The following BTNL9 variants were observed in gnomAD, a reference collection of about 807,000 sequenced individuals.
The protein encoded by BTNL9 is butyrophilin like 9, also known as butyrophilin-like protein 9.
Under a neutral mutation model 45.8 loss-of-function variants are expected in BTNL9, and 45 were observed. That is an observed-to-expected ratio of 0.98 (90% CI 0.77 to 1.26). The LOEUF is 1.26. BTNL9 is among the 50% of genes most tolerant of loss of function. The pLI is 0.00. For missense variants in BTNL9, 784 were observed against 729.7 expected (o/e 1.07, Z -0.86); for synonymous variants, 346 against 330.8 (o/e 1.05, Z -0.50).
Position 181,053,119 on chromosome 5 carries a change from G to A in BTNL9, c.737-81G>A. 8.0e-7 allele frequency: 1 copy of A among 1,249,950 alleles called. No individual in the cohort carries two copies. The highest frequency in any genetic ancestry group is 1.4e-5 in the South Asian group (1 of 72,954). The allele number at this position is 1,249,950 out of a possible 1,614,324, so 77.4% of individuals were successfully genotyped here. ...GAGAAGGTCCCGCGGGAGGTTTCCC[G>A]GCACGCGGCGGGCAGGCCGGTCTCG... is the stretch of plus-strand genomic sequence containing the variant. On this transcript the variant is annotated intron_variant, in intron 4 of 10. Coordinates refer to ENST00000327705, the MANE Select transcript of BTNL9 (RefSeq NM_152547.5). This position sits in a 1 kb window ranked among gnomAD's most constrained non-coding sequence, Gnocchi z 6.5.
At chr5:181,054,552 C>CT (rs1761775060) in intron 7 of BTNL9, 1 of 985,326 alleles carries the variant, frequency 1.0e-6, no homozygotes, top group Admixed American at 6.2e-5. Flanking sequence ...TTAAAATATC[C>CT]TTTTCTTTTT....
chr5:181,059,480 G>T lies in BTNL9; in HGVS notation c.1226G>T (p.Gly409Val), dbSNP rs1475182964. The T allele has an allele frequency of 6.8e-7, 1 of 1,475,032 alleles. No homozygotes were observed. The highest frequency in any genetic ancestry group is 8.9e-7 in the Non-Finnish European group (1 of 1,119,612). The allele number at this position is 1,475,032 out of a possible 1,614,324, so 91.4% of individuals were successfully genotyped here. ...TGCCTGGCCGCGGTGCCGCGCGCGG[G>T]GCCTGCGCGCCTGAGCCCTGCGGCC... ...GACLAAVPRA[G>V]PARLSPAAGY... The change falls in exon 11 of 11, where the codon GGG becomes GTG. Residue 409 changes from glycine to valine, a missense_variant. Transcript: ENST00000327705.
intron 9 of BTNL9, 36 bp from the exon 10 acceptor site, chr5:181,058,316 T>G (rs750819632): frequency 6.2e-7 from 1 of 1,613,676 alleles, no homozygotes. Context: ...TGACTGAGAT[T>G]TCTGAGCTTT....
Position 181,059,927 on chromosome 5 carries a change from C to T in BTNL9, c.*65C>T, listed in dbSNP as rs556965027. The T allele has an allele frequency of 1.0e-5, 14 of 1,380,228 alleles. No homozygotes were observed. The South Asian group carries it at 1.5e-4, about 14-fold the overall frequency. 85.5% of individuals were successfully genotyped at this position (1,380,228 alleles called of 1,614,324 possible). On this transcript the variant is annotated 3_prime_UTR_variant, in exon 11 of 11. Coordinates refer to ENST00000327705, the MANE Select transcript of BTNL9 (RefSeq NM_152547.5). ...CTGGATCCCAGGCCAGCGCTTTGCT[C>T]TCCTGCTCCGTCTGAAGGGAGCAGG...
intron 9 of BTNL9, chr5:181,056,504 T>C (rs1475132448): frequency 2.8e-6 from 2 of 715,420 alleles, no homozygotes; most frequent in Non-Finnish European, 5.2e-6. Flanking sequence ...CTGCCACTCG[T>C]GTGCATTCAG....
chr5:181,050,119 G>A lies in BTNL9; in HGVS notation c.486G>A (p.Glu162=), dbSNP rs1761454361. The A allele has an allele frequency of 6.2e-7, 1 of 1,613,966 alleles. No individual in the cohort carries two copies. The highest frequency in any genetic ancestry group is 8.5e-7 in the Non-Finnish European group (1 of 1,180,014). The change falls in exon 4 of 11, where the codon GAG becomes GAA. Residue 162 remains glutamate, a synonymous_variant. Coordinates refer to ENST00000327705, the MANE Select transcript of BTNL9 (RefSeq NM_152547.5). The surrounding 1 kb of genome is among the most constrained non-coding windows in gnomAD (Gnocchi z 4.9). The part of the protein sequence containing the change: ...GLGSDPHLSL[E]GFKEGGIQLR... ...GCTCAGACCCTCACCTCTCCCTTGAGGGCTTCAAGGAAGGAGGCATTCAGC... is the reference window on the plus strand; with the variant it reads ...GCTCAGACCCTCACCTCTCCCTTGAAGGCTTCAAGGAAGGAGGCATTCAGC...
At chr5:181,056,899 T>C (rs1761910658) in intron 9 of BTNL9, 4 of 371,696 alleles carry the variant, frequency 1.1e-5, no homozygotes, top group East Asian at 5.0e-5. Flanking sequence ...TCTCTGTATA[T>C]GCTAGTTGGC....
intron 4 of BTNL9, among the ~76,000 whole-genome samples, chr5:181,052,001 G>A (rs1462288294): frequency 6.6e-6 from 1 of 152,110 alleles, no homozygotes; most frequent in Non-Finnish European, 1.5e-5. Flanking sequence ...GCTGCTGGCA[G>A]AACAGCGAGG....
chr5:181,045,891 G>A (rs28423038), intron 2 of BTNL9, among the ~76,000 whole-genome samples: 3,288 of 21,276 alleles, frequency 0.15, 114 homozygotes, highest in Non-Finnish European at 0.19. Context: ...CCCAGCCCCC[G>A]ACACCTCCTC....
intron 1 of BTNL9, among the ~76,000 whole-genome samples, chr5:181,045,133 G>T (rs746251788): frequency 1.3e-5 from 2 of 152,188 alleles, no homozygotes; most frequent in East Asian, 1.9e-4. Context: ...CCCAGAAAAG[G>T]GGGGGCGCTG....
At position 181,055,948 on chromosome 5, in the gene BTNL9, T is replaced by A. The variant is rs1455766153; in HGVS notation, c.929-41T>A. 2.0e-5 allele frequency: 32 copies of A among 1,613,682 alleles called. No individual in the cohort carries two copies. The highest frequency in any genetic ancestry group is 2.6e-5 in the Non-Finnish European group (31 of 1,179,654). On this transcript the variant is annotated intron_variant, in intron 8 of 10. Transcript: ENST00000327705. This position sits in a 1 kb window ranked among gnomAD's most constrained non-coding sequence, Gnocchi z 4.4. ...GATGTGTGAGCAGGGAAGCTTGGGG[T>A]CCTGATGTGCTAATTTCCTGTTTTC...
At chr5:181,058,703 T>C (rs1373216856) in intron 10 of BTNL9, among the ~76,000 whole-genome samples, 1 of 151,848 alleles carries the variant, frequency 6.6e-6, no homozygotes, top group African/African-American at 2.4e-5. Flanking sequence ...AGGGGTCCCC[T>C]AGGTTCCCAT....
At chr5:181,052,305 C>T (rs1160411602) in intron 4 of BTNL9, among the ~76,000 whole-genome samples, 1 of 151,762 alleles carries the variant, frequency 6.6e-6, no homozygotes, top group East Asian at 1.9e-4. Flanking sequence ...ATACGGAGGG[C>T]GCCAGGGGCT....
Position 181,053,500 on chromosome 5 carries a change from A to G in BTNL9, c.885A>G (p.Gln295=), listed in dbSNP as rs1187909457. The change falls in exon 6 of 11, where the codon CAA becomes CAG. Residue 295 remains glutamine (Q), a splice_region_variant and synonymous_variant. Transcript: ENST00000327705. This position sits in a 1 kb window ranked among gnomAD's most constrained non-coding sequence, Gnocchi z 6.5. ...EKLRKQAEKR[Q]EKLTAELEKL... ...TGAGGAAGCAGGCGGAGAAGAGACA[A>G]GGTGAGCGGGGACAGGGCGTTCTGC... is the stretch of plus-strand genomic sequence containing the variant. 2.1e-5 allele frequency: 33 copies of G among 1,577,980 alleles called. No homozygotes were observed. The highest frequency in any genetic ancestry group is 2.8e-5 in the Non-Finnish European group (32 of 1,161,982).
chr5:181,049,198 A>C (rs1433749531), intron 3 of BTNL9, among the ~76,000 whole-genome samples: 1 of 152,106 alleles, frequency 6.6e-6, no homozygotes, highest in African/African-American at 2.4e-5. Flanking sequence ...CTGACACAGC[A>C]ATCCCACCTC....
chr5:181,044,501 G>T (rs568163152), intron 1 of BTNL9, among the ~76,000 whole-genome samples: 1 of 152,306 alleles, frequency 6.6e-6, no homozygotes, highest in African/African-American at 2.4e-5. Flanking sequence ...GGGAAGGGAG[G>T]TGCTGACTTT....
intron 6 of BTNL9, 51 bp from the exon 7 acceptor site, chr5:181,054,188 A>T: frequency 1.2e-6 from 2 of 1,607,518 alleles, no homozygotes; most frequent in Non-Finnish European, 1.7e-6. Flanking sequence ...TCATTCCCCA[A>T]CCTGAGAGTC....
chr5:181,053,094 G>T lies in BTNL9; in HGVS notation c.737-106G>T. The T allele has an allele frequency of 1.0e-6, 1 of 984,040 alleles. No individual in the cohort carries two copies. Among genetic ancestry groups the T allele is most frequent in the South Asian group, 1.6e-5 (1 of 61,172 alleles). The allele number at this position is 984,040 out of a possible 1,614,324, so 61.0% of individuals were successfully genotyped here. A position where few individuals can be genotyped will look rare whatever the true frequency, so the allele number is the denominator to read the frequency against. On this transcript the variant is annotated intron_variant, in intron 4 of 10. Transcript: ENST00000327705. This position sits in a 1 kb window ranked among gnomAD's most constrained non-coding sequence, Gnocchi z 6.5. ...TCCCAGGCGGCTGCGGTGGCGCCCG[G>T]AGAAGGTCCCGCGGGAGGTTTCCCG...
At position 181,059,806 on chromosome 5, in the gene BTNL9, A is replaced by G; in HGVS notation, c.1552A>G (p.Ser518Gly). Residue 518 changes from serine to glycine, a missense_variant, in exon 11 of 11, where the codon AGT becomes GGT. Coordinates refer to ENST00000327705, the MANE Select transcript of BTNL9 (RefSeq NM_152547.5). ...GACGGGCGTCCCCGAAGAGAACGACAGTGACACCTGGCTACAGCCCTATGA... is the reference window on the plus strand; with the variant it reads ...GACGGGCGTCCCCGAAGAGAACGACGGTGACACCTGGCTACAGCCCTATGA... The part of the protein sequence containing the change: ...RGTGVPEEND[S>G]DTWLQPYEPA... The G allele has an allele frequency of 6.2e-7, 1 of 1,601,894 alleles. No individual in the cohort carries two copies. The highest frequency in any genetic ancestry group is 8.5e-7 in the Non-Finnish European group (1 of 1,178,522).
Sources: allele counts gnomAD v4.1 joint callset (sites outside exome capture counted in the v4.1 genomes callset), GRCh38; gene constraint gnomAD v4.1.1; non-coding constraint Gnocchi (gnomAD v3.1); transcripts MANE v1.5; gene names NCBI Gene and HGNC (gene_info 2026-07-23, HGNC 2026-07-21).